The following UBXN8 variants were observed in gnomAD, a reference collection of about 807,000 sequenced individuals.
UBXN8 encodes UBX domain protein 8, also known as UBX domain-containing protein 8.
A neutral mutation model predicts 32.1 loss-of-function variants in UBXN8; 27 were observed. The observed-to-expected ratio is 0.84, with a 90% CI of 0.62 to 1.16. The LOEUF (loss-of-function observed/expected upper bound fraction) is 1.16, where lower values mean the gene tolerates loss of function less well. UBXN8 is among the 50% of genes most tolerant of loss of function. The pLI, the probability that UBXN8 is intolerant of heterozygous loss-of-function variation, is 0.00. For synonymous variants in UBXN8, 109 were observed against 111.8 expected, an observed-to-expected ratio of 0.98 and a Z score of 0.16; for missense variants, 306 against 311.4, an observed-to-expected ratio of 0.98 and a Z score of 0.13.
chr8:30,747,605 C>T lies in UBXN8; in HGVS notation c.88+3328C>T, dbSNP rs1805397531. On this transcript the variant is annotated intron_variant, in intron 1 of 7. Transcript: ENST00000265616. ...GGATTATAGACGTGAGCCACTGCGC[C>T]TGGCCTCAATGGTTTCTTTACATAC... Among the ~76,000 whole-genome samples, 2 of 141,270 alleles carry T rather than the reference C, an allele frequency of 1.4e-5. 1 individual carries two copies. Among genetic ancestry groups the T allele is most frequent in the South Asian group, 4.8e-4 (2 of 4,130 alleles). 92.7% of individuals were successfully genotyped at this position (141,270 alleles called of 152,430 possible). A position where few individuals can be genotyped will look rare whatever the true frequency, so the allele number is the denominator to read the frequency against.
At chr8:30,741,853 C>T (rs1168109356), upstream of UBXN8, among the ~76,000 whole-genome samples, 3 of 152,204 alleles carry the variant, frequency 2.0e-5, no homozygotes, top group Non-Finnish European at 2.9e-5. Flanking sequence ...GAAGAGAGTT[C>T]ACAAACAACA....
intron 5 of UBXN8, among the ~76,000 whole-genome samples, chr8:30,759,854 G>A (rs1294716387): frequency 1.3e-5 from 2 of 151,416 alleles, no homozygotes; most frequent in African/African-American, 4.8e-5. Flanking sequence ...CTACTTGGGA[G>A]GCTGAGACAG....
intron 1 of UBXN8, among the ~76,000 whole-genome samples, chr8:30,747,894 C>CTTTTTTTTTTTTTTTTTTTTTT (rs67334347): frequency 7.3e-4 from 26 of 35,640 alleles, no homozygotes; most frequent in Non-Finnish European, 8.7e-4. Context: ...TATATTTTTT[C>CTTTTTTTTTTTTTTTTTTTTTT]TTTTTTTTTT....
upstream of UBXN8, among the ~76,000 whole-genome samples, chr8:30,731,624 C>A (rs1383828186): frequency 3.1e-4 from 47 of 151,784 alleles, no homozygotes; most frequent in Admixed American, 3.0e-3. Context: ...GTTAACTGAG[C>A]CGGGCCAAGA....
At chr8:30,737,927 A>C (rs1805103498) in intron 1 of UBXN8, among the ~76,000 whole-genome samples, 1 of 152,170 alleles carries the variant, frequency 6.6e-6, no homozygotes. Context: ...GCAATTTCAT[A>C]AGCCTAAATG....
In UBXN8 at chr8:30,766,762, T is replaced by C. The variant is rs1276429652; in HGVS notation, c.*368T>C. ...ACACAATATTTCATGATTCAAATTCTTCAAAGTCTTATACGCAGGAATGTT... is the reference window on the plus strand; with the variant it reads ...ACACAATATTTCATGATTCAAATTCCTCAAAGTCTTATACGCAGGAATGTT... On this transcript the variant is annotated 3_prime_UTR_variant, in exon 8 of 8. Transcript: ENST00000265616. The C allele has an allele frequency of 6.5e-6, 1 of 154,652 alleles. No homozygotes were observed. Among genetic ancestry groups the C allele is most frequent in the Non-Finnish European group, 1.4e-5 (1 of 69,572 alleles). The allele number at this position is 154,652 out of a possible 1,614,324, so 9.6% of individuals were successfully genotyped here.
chr8:30,747,910 T>C lies in UBXN8; in HGVS notation c.89-3486T>C, dbSNP rs927621529. 2.7e-4 allele frequency among the ~76,000 whole-genome samples: 33 copies of C among 122,784 alleles called. 4 individuals are homozygous for C. Among genetic ancestry groups the C allele is most frequent in the Admixed American group, 2.1e-3 (25 of 12,004 alleles). The allele number at this position is 122,784 out of a possible 152,430, so 80.6% of individuals were successfully genotyped here. On this transcript the variant is annotated intron_variant, in intron 1 of 7. Transcript: ENST00000265616. ...ATATTTTTTCTTTTTTTTTTTTTTT[T>C]TTTTTTTTGCTACCTTTGGATTCTT...
chr8:30,766,613 G>A lies in UBXN8; in HGVS notation c.*219G>A. The stretch of plus-strand genomic sequence containing the variant: ...TTACAGTGTACCAAATGAGAATGAG[G>A]TTGAAATGTATGCAGTAAGGTACTC... On this transcript the variant is annotated 3_prime_UTR_variant, in exon 8 of 8. Coordinates refer to ENST00000265616, the MANE Select transcript of UBXN8 (RefSeq NM_005671.4). The A allele has an allele frequency of 3.2e-6, 1 of 311,148 alleles. No homozygotes were observed. Among genetic ancestry groups the A allele is most frequent in the Non-Finnish European group, 5.7e-6 (1 of 174,000 alleles). The allele number at this position is 311,148 out of a possible 1,614,324, so 19.3% of individuals were successfully genotyped here.
intron 7 of UBXN8, among the ~76,000 whole-genome samples, chr8:30,765,475 T>A (rs1024422469): frequency 2.6e-5 from 4 of 151,530 alleles, no homozygotes; most frequent in African/African-American, 9.7e-5. Context: ...GGTTTCGCCA[T>A]CTTACCCAGG....
At chr8:30,751,194 T>C (rs1805513465) in intron 1 of UBXN8, among the ~76,000 whole-genome samples, 1 of 152,158 alleles carries the variant, frequency 6.6e-6, no homozygotes, top group African/African-American at 2.4e-5. Context: ...TCTTCTAATG[T>C]GTTATAATTT....
intron 1 of UBXN8, among the ~76,000 whole-genome samples, chr8:30,747,894 C>CTTTTTTTTTTTTTTTT (rs67334347): frequency 1.7e-4 from 6 of 35,640 alleles, no homozygotes; most frequent in Non-Finnish European, 2.2e-4. Flanking sequence ...TATATTTTTT[C>CTTTTTTTTTTTTTTTT]TTTTTTTTTT....
intron 5 of UBXN8, among the ~76,000 whole-genome samples, chr8:30,759,418 A>G (rs1019955623): frequency 4.6e-5 from 7 of 150,692 alleles, no homozygotes; most frequent in African/African-American, 1.5e-4. Context: ...TATTTTTAGT[A>G]GAGATGGGGT....
At chr8:30,731,401 C>T (rs911223287), upstream of UBXN8, among the ~76,000 whole-genome samples, 9 of 152,188 alleles carry the variant, frequency 5.9e-5, no homozygotes, top group Non-Finnish European at 1.0e-4. Context: ...AAGCTTTCTG[C>T]TTGCCCCGGA....
intron 1 of UBXN8, among the ~76,000 whole-genome samples, chr8:30,736,982 TC>T: frequency 6.6e-6 from 1 of 152,314 alleles, no homozygotes; most frequent in East Asian, 1.9e-4. Flanking sequence ...GTTTATCATT[TC>T]CTTCATTTAT....
chr8:30,752,150 G>C (rs367869440), intron 2 of UBXN8, among the ~76,000 whole-genome samples: 10 of 152,236 alleles, frequency 6.6e-5, no homozygotes, highest in Admixed American at 3.3e-4. Flanking sequence ...TCGGCCTCCC[G>C]ATGTGTTGGG....
intron 6 of UBXN8, among the ~76,000 whole-genome samples, chr8:30,762,930 G>A (rs892164899): frequency 4.0e-5 from 6 of 151,538 alleles, no homozygotes; most frequent in Admixed American, 1.3e-4. Context: ...GTGCAGTGGC[G>A]TGATCACAGC....
intron 5 of UBXN8, among the ~76,000 whole-genome samples, chr8:30,757,859 CAAAA>C (rs76218678): frequency 8.9e-5 from 5 of 56,010 alleles, no homozygotes; most frequent in African/African-American, 6.5e-5. Flanking sequence ...GACTCCGTCT[CAAAA>C]AAAAAAAAAA....
upstream of UBXN8, among the ~76,000 whole-genome samples, chr8:30,741,438 A>G (rs893279732): frequency 6.8e-6 from 1 of 146,888 alleles, no homozygotes; most frequent in Non-Finnish European, 1.5e-5. Context: ...GACTAAGATT[A>G]TGTCAAAGCA....
intron 3 of UBXN8, 132 bp downstream of exon 3, chr8:30,753,237 G>A: frequency 1.6e-6 from 2 of 1,230,016 alleles, no homozygotes; most frequent in South Asian, 3.0e-5. Flanking sequence ...AAATTCACGT[G>A]ACATAAATTG....
Sources: gnomAD v4.1 joint callset for allele counts (sites outside exome capture counted in the v4.1 genomes callset) on GRCh38, gnomAD v4.1.1 for gene constraint, MANE v1.5 for transcripts, NCBI Gene and HGNC (gene_info 2026-07-23, HGNC 2026-07-21) for gene names.